ARHGAP15: variants seen among roughly 807,000 people sequenced by gnomAD.
ARHGAP15 encodes the protein rho GTPase-activating protein 15.
A neutral mutation model predicts 63.7 loss-of-function variants in ARHGAP15; 51 were observed. The observed-to-expected ratio is 0.80, with a 90% confidence interval of 0.64 to 1.01. The LOEUF is 1.01. Among genes scored for constraint, ARHGAP15 ranks in the 50% least tolerant of loss-of-function variants. The pLI is 0.00. For missense variants in ARHGAP15, 560 were observed against 564.6 expected (o/e 0.99, Z 0.08); for synonymous variants, 191 against 193.8 (o/e 0.99, Z 0.12).
chr2:143,633,224 T>C (rs1053881556), intron 12 of ARHGAP15, among the ~76,000 whole-genome samples: 1 of 152,116 alleles, frequency 6.6e-6, no homozygotes, highest in African/African-American at 2.4e-5. Flanking sequence ...AACTGGAAAG[T>C]TTATGGCTAA....
At chr2:143,444,573 G>A (rs940394518) in intron 8 of ARHGAP15, among the ~76,000 whole-genome samples, 2 of 152,048 alleles carry the variant, frequency 1.3e-5, no homozygotes, top group Non-Finnish European at 2.9e-5. Flanking sequence ...TTTTGTTTCT[G>A]AAGTATGGTA....
intron 13 of ARHGAP15, among the ~76,000 whole-genome samples, chr2:143,715,034 G>C (rs960818903): frequency 5.3e-5 from 8 of 151,972 alleles, no homozygotes; most frequent in Admixed American, 2.0e-4. Context: ...CCAATTTACT[G>C]TATCAGTCCA....
intron 2 of ARHGAP15, among the ~76,000 whole-genome samples, chr2:143,182,743 G>A (rs1188766714): frequency 1.3e-5 from 2 of 152,174 alleles, no homozygotes; most frequent in East Asian, 3.9e-4. Context: ...GCTGGACTAG[G>A]TGCCTGGCAG....
chr2:143,255,537 C>G (rs1202138181), intron 6 of ARHGAP15, among the ~76,000 whole-genome samples: 1 of 151,968 alleles, frequency 6.6e-6, no homozygotes, highest in Non-Finnish European at 1.5e-5. Flanking sequence ...TTTGATCTTT[C>G]TGATCTGAAT....
At chr2:143,270,443 A>G (rs1281662259) in intron 6 of ARHGAP15, among the ~76,000 whole-genome samples, 1 of 152,114 alleles carries the variant, frequency 6.6e-6, no homozygotes, top group East Asian at 1.9e-4. Flanking sequence ...GAACTTCAAT[A>G]TTTTTTAGCA....
chr2:143,632,173 C>A (rs1680071030), intron 12 of ARHGAP15, among the ~76,000 whole-genome samples: 1 of 151,994 alleles, frequency 6.6e-6, no homozygotes, highest in African/African-American at 2.4e-5. Flanking sequence ...ACAAAAATAA[C>A]TTTTCCTCCC....
chr2:143,556,290 C>T, intron 10 of ARHGAP15, 118 bp from the exon 11 acceptor site: 3 of 704,424 alleles, frequency 4.3e-6, no homozygotes, highest in East Asian at 2.7e-5. Context: ...TTAGAACACA[C>T]AAATTGGTTT....
At chr2:143,276,414 G>A (rs1558861044) in intron 6 of ARHGAP15, among the ~76,000 whole-genome samples, 1 of 152,166 alleles carries the variant, frequency 6.6e-6, no homozygotes, top group Admixed American at 6.5e-5. Context: ...CAAAATCAGG[G>A]TTTAAACACA....
intron 13 of ARHGAP15, among the ~76,000 whole-genome samples, chr2:143,754,391 G>A (rs1328838919): frequency 1.3e-5 from 2 of 152,074 alleles, no homozygotes; most frequent in Non-Finnish European, 2.9e-5. Context: ...ACCTCTGCAG[G>A]CTGGTCTTCA....
At chr2:143,334,103 G>C (rs1000814692) in intron 6 of ARHGAP15, among the ~76,000 whole-genome samples, 2 of 152,174 alleles carry the variant, frequency 1.3e-5, no homozygotes, top group African/African-American at 4.8e-5. Context: ...CAGGATCCTA[G>C]TTGAAGCTTC....
chr2:143,446,645 T>C (rs889565841), intron 8 of ARHGAP15, among the ~76,000 whole-genome samples: 45 of 152,084 alleles, frequency 3.0e-4, no homozygotes, highest in Non-Finnish European at 4.7e-4. Flanking sequence ...TTTTTTTTTT[T>C]TATTTAAGTT....
At chr2:143,261,941 C>T (rs1270414362) in intron 6 of ARHGAP15, among the ~76,000 whole-genome samples, 1 of 152,148 alleles carries the variant, frequency 6.6e-6, no homozygotes, top group Admixed American at 6.6e-5. Flanking sequence ...TCATTAGCTC[C>T]TGAGCCTTTG....
At chr2:143,231,933 C>A (rs1403821532) in intron 5 of ARHGAP15, among the ~76,000 whole-genome samples, 1 of 152,206 alleles carries the variant, frequency 6.6e-6, no homozygotes, top group Non-Finnish European at 1.5e-5. Flanking sequence ...AGGGCTCCAC[C>A]TTTATGATCT....
intron 1 of ARHGAP15, among the ~76,000 whole-genome samples, chr2:143,148,817 G>A (rs967644854): frequency 3.3e-5 from 5 of 151,956 alleles, no homozygotes; most frequent in South Asian, 2.1e-4. Context: ...CAGAGTGGTC[G>A]GGGAAATTAG....
chr2:143,149,444 A>G (rs1007986849), intron 1 of ARHGAP15, among the ~76,000 whole-genome samples: 2 of 152,000 alleles, frequency 1.3e-5, no homozygotes, highest in Non-Finnish European at 2.9e-5. Flanking sequence ...TTAGGGAAAA[A>G]TATCAAGTAC....
intron 2 of ARHGAP15, among the ~76,000 whole-genome samples, chr2:143,172,694 G>A (rs770380269): frequency 6.6e-6 from 1 of 152,072 alleles, no homozygotes; most frequent in Non-Finnish European, 1.5e-5. Context: ...CACTGAGACA[G>A]GAAGAACCAA....
intron 6 of ARHGAP15, among the ~76,000 whole-genome samples, chr2:143,395,439 C>A (rs1197160418): frequency 6.6e-6 from 1 of 152,058 alleles, no homozygotes; most frequent in Non-Finnish European, 1.5e-5. Flanking sequence ...GGATACTAAG[C>A]AAATAATTAA....
intron 6 of ARHGAP15, among the ~76,000 whole-genome samples, chr2:143,427,335 A>C (rs936832585): frequency 6.6e-6 from 1 of 152,024 alleles, no homozygotes; most frequent in East Asian, 1.9e-4. Flanking sequence ...CGTAACTACT[A>C]CCTCCTCCCA....
At chr2:143,469,752 T>G (rs951224207) in intron 8 of ARHGAP15, among the ~76,000 whole-genome samples, 1 of 152,232 alleles carries the variant, frequency 6.6e-6, no homozygotes, top group African/African-American at 2.4e-5. Context: ...CATGGGGAAA[T>G]GATAATACTT....
Sources: allele counts gnomAD v4.1 joint callset (sites outside exome capture counted in the v4.1 genomes callset), GRCh38; gene constraint gnomAD v4.1.1; transcripts MANE v1.5; gene names NCBI Gene and HGNC (gene_info 2026-07-23, HGNC 2026-07-21).